Variants in METTL26 observed in about 807,000 individuals in gnomAD.
The protein encoded by METTL26 is methyltransferase like 26, also known as methyltransferase-like 26.
Under a neutral mutation model 24.7 loss-of-function variants are expected in METTL26, and 28 were observed. The observed-to-expected ratio is 1.13, with a 90% CI of 0.84 to 1.55. METTL26 has a LOEUF of 1.55. Ranked by LOEUF, METTL26 falls within the 40% of genes most tolerant of loss-of-function variation. METTL26 has a pLI of 0.00. For missense variants in METTL26, 344 were observed against 281.2 expected (o/e 1.22, Z -1.60); for synonymous variants, 165 against 125.2 (o/e 1.32, Z -2.12).
chr16:635,769 G>A lies in METTL26; in HGVS notation c.203C>T (p.Ala68Val), dbSNP rs753214382. 3.2e-6 allele frequency: 5 copies of A among 1,565,954 alleles called. No homozygotes were observed. The South Asian group carries it at 3.5e-5, about 11-fold the overall frequency. The change falls in exon 2 of 6, where the codon GCG becomes GTG. Residue 68 changes from alanine (A) to valine (V), a missense_variant. By Grantham distance (64) the Ala-to-Val change is moderately conservative. Transcript: ENST00000301686. ...DVDQRCLDSI[A>V]ATTQAQGLTN... ...CAGGCCCTGGGCTTGCGTGGTGGCC[G>A]CGATGCTGCAGGAGGCGAACGCTTG... is the stretch of plus-strand genomic sequence containing the variant.
At chr16:635,190 G>C (rs565357773) in intron 3 of METTL26, 91 bp downstream of exon 3, 3 of 1,483,540 alleles carry the variant, frequency 2.0e-6, no homozygotes, top group Non-Finnish European at 1.8e-6. Context: ...TGGGCGGGGG[G>C]CAGGGAGCCC....
chr16:635,096 C>A, intron 3 of METTL26, 140 bp from the exon 4 acceptor site: 1 of 1,512,570 alleles, frequency 6.6e-7, no homozygotes, highest in Non-Finnish European at 8.8e-7. Flanking sequence ...CAAGGCCAGC[C>A]TGGTGGGCAA....
At chr16:635,007 G>T (rs766325827) in intron 3 of METTL26, 51 bp from the exon 4 acceptor site, 1 of 1,552,864 alleles carries the variant, frequency 6.4e-7, no homozygotes, top group Non-Finnish European at 8.7e-7. Context: ...GTATTTCCCA[G>T]AGAGCCTGGG....
chr16:635,548 C>T, intron 2 of METTL26, 64 bp downstream of exon 2: 1 of 1,498,274 alleles, frequency 6.7e-7, no homozygotes, highest in East Asian at 2.7e-5. Flanking sequence ...ATCTGGCATC[C>T]CAGCTGCCCC....
In METTL26 at chr16:634,498, G is replaced by T; in HGVS notation, c.*99C>A. Reference sequence around the variant, plus strand: ...GGCCAGCGGCTGAGAGCACAGACTGGGTGGGGCTGTCGTCCACAAGGTCCG... The same window carrying T: ...GGCCAGCGGCTGAGAGCACAGACTGTGTGGGGCTGTCGTCCACAAGGTCCG... On this transcript the variant is annotated 3_prime_UTR_variant, in exon 6 of 6. Coordinates refer to ENST00000301686, the MANE Select transcript of METTL26 (RefSeq NM_032366.5). 1 of 1,602,432 alleles carries T rather than the reference G, an allele frequency of 6.2e-7. No homozygotes were observed. The highest frequency in any genetic ancestry group is 8.5e-7 in the Non-Finnish European group (1 of 1,170,680).
Position 635,271 on chromosome 16 carries a change from G to A in METTL26, c.420+10C>T, listed in dbSNP as rs1567201892. 4 of 1,574,772 alleles carry A rather than the reference G, an allele frequency of 2.5e-6. No homozygotes were observed. Among genetic ancestry groups the A allele is most frequent in the Non-Finnish European group, 3.5e-6 (4 of 1,157,036 alleles). ...GGAGCGGGAGGCCCGCCGTGGACAG[G>A]CCCACTCACCCCGTAGGTGATGAGC... is the stretch of plus-strand genomic sequence containing the variant. On this transcript the variant is annotated intron_variant, in intron 3 of 5. Transcript: ENST00000301686.
rs778444371 is a variant in METTL26, at chr16:634,743, G to A, written c.543C>T (p.Ala181=). The A allele has an allele frequency of 2.5e-6, 4 of 1,612,792 alleles. No individual in the cohort carries two copies. The East Asian group carries it at 8.9e-5, about 36-fold the overall frequency. The change falls in exon 5 of 6, where the codon GCC becomes GCT. Residue 181 remains alanine (A), a synonymous_variant. Coordinates refer to ENST00000301686, the MANE Select transcript of METTL26 (RefSeq NM_032366.5). ...CCATCCTCTCCAGGAGCAGGCCACT[G>A]GCCTTTCCCAGGTCCTCCAGGAGGG... ...DTALLEDLGK[A]SGLLLERMVD... is the part of the protein sequence containing the mutation.
At chr16:635,210 G>A (rs532602895) in intron 3 of METTL26, 71 bp downstream of exon 3, 25 of 1,501,254 alleles carry the variant, frequency 1.7e-5, no homozygotes, top group South Asian at 2.5e-5. Flanking sequence ...CAGGAGGGAG[G>A]ACTCTCAGCA....
Position 636,194 on chromosome 16 carries a change from C to G in METTL26, c.97G>C (p.Glu33Gln). 1 of 1,489,764 alleles carries G rather than the reference C, an allele frequency of 6.7e-7. No individual in the cohort carries two copies. Among genetic ancestry groups the G allele is most frequent in the Non-Finnish European group, 8.9e-7 (1 of 1,126,198 alleles). The allele number at this position is 1,489,764 out of a possible 1,614,324, so 92.3% of individuals were successfully genotyped here. A position where few individuals can be genotyped will look rare whatever the true frequency, so the allele number is the denominator to read the frequency against. ...DPAQRGVRVL[E>Q]VASGSGQHAA... ...TGCTGGCCGGAGCCCGAGGCCACCT[C>G]GAGGACGCGGACGCCACGCTGGGCC... is the stretch of plus-strand genomic sequence containing the variant. Residue 33 changes from glutamate (E) to glutamine (Q), a missense_variant, in exon 1 of 6, where the codon GAG becomes CAG. Transcript: ENST00000301686.
chr16:635,193 G>T, intron 3 of METTL26, 88 bp downstream of exon 3: 1 of 1,485,900 alleles, frequency 6.7e-7, no homozygotes, highest in Non-Finnish European at 9.0e-7. Flanking sequence ...GCGGGGGGCA[G>T]GGAGCCCAGG....
rs759602210 is a variant in METTL26 at position 635,768 on chromosome 16, C to T, written c.204G>A (p.Ala68=). ...DVDQRCLDSI[A]ATTQAQGLTN... Reference sequence around the variant, plus strand: ...TCAGGCCCTGGGCTTGCGTGGTGGCCGCGATGCTGCAGGAGGCGAACGCTT... The same window carrying T: ...TCAGGCCCTGGGCTTGCGTGGTGGCTGCGATGCTGCAGGAGGCGAACGCTT... Residue 68 remains alanine, a synonymous_variant, in exon 2 of 6, where the codon GCG becomes GCA. Coordinates refer to ENST00000301686, the MANE Select transcript of METTL26 (RefSeq NM_032366.5). The T allele has an allele frequency of 6.4e-7, 1 of 1,565,974 alleles. No homozygotes were observed. Among genetic ancestry groups the T allele is most frequent in the East Asian group, 2.3e-5 (1 of 43,276 alleles).
At chr16:635,169 G>A (rs372875297) in intron 3 of METTL26, 112 bp downstream of exon 3, 24 of 1,472,984 alleles carry the variant, frequency 1.6e-5, no homozygotes, top group South Asian at 7.8e-5. Context: ...AGGGGAGGCC[G>A]TGCTGGTGGC....
In METTL26 at chr16:636,087, G is replaced by T; in HGVS notation, c.197+7C>A. 1.4e-6 allele frequency: 2 copies of T among 1,407,308 alleles called. No homozygotes were observed. Among genetic ancestry groups the T allele is most frequent in the Non-Finnish European group, 1.8e-6 (2 of 1,088,284 alleles). The allele number at this position is 1,407,308 out of a possible 1,614,324, so 87.2% of individuals were successfully genotyped here. A position where few individuals can be genotyped will look rare whatever the true frequency, so the allele number is the denominator to read the frequency against. ...ACCGATAGAAGTGGCCGCCCCGGGG[G>T]CCGCACCTGTCCAGGCAGCGCTGGT... On this transcript the variant is annotated splice_region_variant and intron_variant, in intron 1 of 5. Transcript: ENST00000301686.
Position 634,431 on chromosome 16 carries a change from C to A in METTL26, c.*166G>T. The A allele has an allele frequency of 2.9e-6, 4 of 1,369,938 alleles. No homozygotes were observed. Among genetic ancestry groups the A allele is most frequent in the Non-Finnish European group, 4.1e-6 (4 of 972,518 alleles). The allele number at this position is 1,369,938 out of a possible 1,614,324, so 84.9% of individuals were successfully genotyped here. On this transcript the variant is annotated 3_prime_UTR_variant, in exon 6 of 6. Coordinates refer to ENST00000301686, the MANE Select transcript of METTL26 (RefSeq NM_032366.5). ...GGAGGTGGGGCAGACACCAGCAAGC[C>A]GGCAGCAGGACATGCTTTATTCTGA...
chr16:635,156 T>C, intron 3 of METTL26, 125 bp downstream of exon 3: 1 of 1,465,676 alleles, frequency 6.8e-7, no homozygotes, highest in Non-Finnish European at 9.1e-7. Flanking sequence ...AGACTGGAAG[T>C]GGAGGGGAGG....
chr16:634,796 T>C lies in METTL26; in HGVS notation c.490A>G (p.Asn164Asp), dbSNP rs2037045250. 2.5e-6 allele frequency: 4 copies of C among 1,609,020 alleles called. No homozygotes were observed. The highest frequency in any genetic ancestry group is 3.4e-6 in the Non-Finnish European group (4 of 1,177,908). ...VDFDLMLRCR[N>D]PEWGLRDTAL... ...GTGTCCCGAAGCCCCCATTCTGGGT[T>C]CCTGCAGAGGGTGGGGAGATGGAGT... Residue 164 changes from asparagine to aspartate, a missense_variant and splice_region_variant, in exon 5 of 6, where the codon AAC becomes GAC. By Grantham distance (23) the Asn-to-Asp change is conservative. Transcript: ENST00000301686.
At chr16:635,904 A>T in intron 1 of METTL26, 130 bp from the exon 2 acceptor site, 1 of 1,356,174 alleles carries the variant, frequency 7.4e-7, no homozygotes, top group Non-Finnish European at 9.8e-7. Flanking sequence ...GGGAAGGGGG[A>T]CCCCGAGGTC....
intron 1 of METTL26, 28 bp downstream of exon 1, chr16:636,066 A>G (rs1288024745): frequency 7.1e-7 from 1 of 1,414,318 alleles, no homozygotes; most frequent in Non-Finnish European, 9.2e-7. Flanking sequence ...CGCCGCACCG[A>G]TAGAAGTGGC....
Position 634,945 on chromosome 16 carries a change from G to A in METTL26, c.432C>T (p.Ile144=), listed in dbSNP as rs1183313320. 2 of 1,605,034 alleles carry A rather than the reference G, an allele frequency of 1.2e-6. No homozygotes were observed. The highest frequency in any genetic ancestry group is 1.7e-6 in the Non-Finnish European group (2 of 1,176,292). ...ALLITYGPYA[I]NGKISPQSNV... ...TGCTCTGGGGGGAGATCTTCCCATTGATGGCATAGGGCTGTGGGCATGGGG... is the reference window on the plus strand; with the variant it reads ...TGCTCTGGGGGGAGATCTTCCCATTAATGGCATAGGGCTGTGGGCATGGGG... Residue 144 remains isoleucine, a synonymous_variant, in exon 4 of 6, where the codon ATC becomes ATT. Transcript: ENST00000301686.
Sources: allele counts gnomAD v4.1 joint callset, GRCh38; gene constraint gnomAD v4.1.1; transcripts MANE v1.5; gene names NCBI Gene and HGNC (gene_info 2026-07-23, HGNC 2026-07-21).